ITGB3BP: variants seen among roughly 807,000 people sequenced by gnomAD.
The protein encoded by ITGB3BP is integrin subunit beta 3 binding protein.
ITGB3BP carries 27 observed loss-of-function variants against 29.1 expected under a neutral mutation model. The observed-to-expected ratio is 0.93, with a 90% CI of 0.68 to 1.28. The LOEUF is 1.28. ITGB3BP is among the 50% of genes most tolerant of loss of function. The pLI, the probability that ITGB3BP is intolerant of heterozygous loss-of-function variation, is 0.00. For missense variants in ITGB3BP, 192 were observed against 200.2 expected, an observed-to-expected ratio of 0.96 and a Z score of 0.25; for synonymous variants, 61 against 61.4, an observed-to-expected ratio of 0.99 and a Z score of 0.03.
At chr1:63,500,813 T>C (rs1178780781) in intron 2 of ITGB3BP, among the ~76,000 whole-genome samples, 1 of 152,146 alleles carries the variant, frequency 6.6e-6, no homozygotes, top group East Asian at 1.9e-4. Flanking sequence ...TTACAAAGGA[T>C]ACAGAATAGC....
chr1:63,453,966 C>T lies in ITGB3BP; in HGVS notation c.436G>A (p.Val146Met). The T allele has an allele frequency of 6.4e-7, 1 of 1,569,292 alleles. No individual in the cohort carries two copies. The highest frequency in any genetic ancestry group is 8.7e-7 in the Non-Finnish European group (1 of 1,145,990). Residue 146 changes from valine (V) to methionine (M), a missense_variant, in exon 7 of 9, where the codon GTG becomes ATG. Val to Met is a conservative substitution (Grantham distance 21, BLOSUM62 1). Coordinates refer to ENST00000271002, the MANE Select transcript of ITGB3BP (RefSeq NM_014288.5). ...MQKTKELMTK[V>M]NKQKLFEKST... ...TTTTCAAACAGTTTTTGTTTATTCA[C>T]TTTTGTCACTAAAAGAAGTAAAAAT... is the stretch of plus-strand genomic sequence containing the variant.
At position 63,511,418 on chromosome 1, in the gene ITGB3BP, A is replaced by G. The variant is rs79488902; in HGVS notation, c.6-2848T>C. Among the ~76,000 whole-genome samples, 37 of 152,274 alleles carry G rather than the reference A, an allele frequency of 2.4e-4. 1 individual carries two copies. The East Asian group carries it at 6.0e-3, about 25-fold the overall frequency. The stretch of plus-strand genomic sequence containing the variant: ...TCAAAGAATTAAAAATAGAATTACC[A>G]TATGATTCCATGATTCCACTTCCAA... On this transcript the variant is annotated intron_variant, in intron 1 of 8. Coordinates refer to ENST00000271002, the MANE Select transcript of ITGB3BP (RefSeq NM_014288.5).
upstream of ITGB3BP, chr1:63,523,449 A>C (rs1646511464): frequency 4.4e-6 from 2 of 449,828 alleles, no homozygotes; most frequent in East Asian, 4.2e-5. Flanking sequence ...TGCGCTCCGG[A>C]TCAGCGCTTC....
chr1:63,523,662 CTT>C (rs887315085), upstream of ITGB3BP: 5 of 178,098 alleles, frequency 2.8e-5, no homozygotes, highest in Non-Finnish European at 6.1e-5. Context: ...GTCTCTGTCT[CTT>C]CGCTCCCTCT....
intron 4 of ITGB3BP, among the ~76,000 whole-genome samples, chr1:63,467,574 T>C (rs1169994351): frequency 6.6e-6 from 1 of 152,166 alleles, no homozygotes; most frequent in Non-Finnish European, 1.5e-5. Flanking sequence ...TCTCGCTATG[T>C]TGCTCAGGCT....
intron 7 of ITGB3BP, 37 bp downstream of exon 7, chr1:63,453,881 G>A: frequency 2.4e-6 from 3 of 1,233,554 alleles, no homozygotes; most frequent in African/African-American, 1.5e-5. Context: ...TGGGATGAAA[G>A]CATCTTTATG....
intron 4 of ITGB3BP, among the ~76,000 whole-genome samples, chr1:63,460,940 C>T (rs1049015079): frequency 2.3e-4 from 35 of 151,884 alleles, no homozygotes; most frequent in Admixed American, 2.0e-3. Flanking sequence ...TAAGTTCTTT[C>T]AAGAAATATC....
intron 7 of ITGB3BP, chr1:63,447,564 C>A (rs1176358665): frequency 2.0e-6 from 1 of 490,942 alleles, no homozygotes; most frequent in South Asian, 1.5e-5. Context: ...TTTAGCTTTA[C>A]CTAGGAGAGC....
At chr1:63,515,942 T>C (rs747343736) in intron 1 of ITGB3BP, among the ~76,000 whole-genome samples, 2 of 151,764 alleles carry the variant, frequency 1.3e-5, no homozygotes, top group African/African-American at 4.8e-5. Flanking sequence ...TGTACATTTA[T>C]TGTAGCACTA....
At chr1:63,471,238 A>C (rs1015867555) in intron 4 of ITGB3BP, among the ~76,000 whole-genome samples, 4 of 150,732 alleles carry the variant, frequency 2.7e-5, no homozygotes, top group Admixed American at 2.6e-4. Context: ...CATTTTGCCT[A>C]ATCCAAGGTC....
At chr1:63,528,628 C>G (rs564134791) in intron 2 of ITGB3BP, among the ~76,000 whole-genome samples, 8 of 151,888 alleles carry the variant, frequency 5.3e-5, no homozygotes, top group Non-Finnish European at 1.2e-4. Flanking sequence ...CCTATTTACC[C>G]TGATGTAATT....
intron 4 of ITGB3BP, among the ~76,000 whole-genome samples, chr1:63,472,859 C>T (rs948818828): frequency 1.1e-4 from 17 of 152,200 alleles, no homozygotes; most frequent in African/African-American, 3.4e-4. Flanking sequence ...CCTTGGCCTC[C>T]CAAAGTGCCG....
chr1:63,459,282 C>G (rs1048299737), intron 4 of ITGB3BP, among the ~76,000 whole-genome samples: 1 of 152,110 alleles, frequency 6.6e-6, no homozygotes, highest in African/African-American at 2.4e-5. Context: ...CCTTAGTATT[C>G]TAATACAGCA....
At chr1:63,522,695 A>G (rs1383132612) in intron 1 of ITGB3BP, among the ~76,000 whole-genome samples, 1 of 152,176 alleles carries the variant, frequency 6.6e-6, no homozygotes, top group African/African-American at 2.4e-5. Context: ...ACAGTGAAAG[A>G]GTCTTATCTG....
At chr1:63,506,721 C>A (rs1296098483) in intron 2 of ITGB3BP, among the ~76,000 whole-genome samples, 1 of 152,154 alleles carries the variant, frequency 6.6e-6, no homozygotes, top group Non-Finnish European at 1.5e-5. Flanking sequence ...GATGAACAGG[C>A]TCCACTTCAA....
intron 4 of ITGB3BP, among the ~76,000 whole-genome samples, chr1:63,477,902 T>C (rs1374981237): frequency 5.3e-5 from 8 of 152,136 alleles, no homozygotes; most frequent in East Asian, 3.9e-4. Context: ...AGGAAGAAGA[T>C]ACAAATACAG....
At chr1:63,473,418 A>T (rs1645250230) in intron 4 of ITGB3BP, among the ~76,000 whole-genome samples, 1 of 119,354 alleles carries the variant, frequency 8.4e-6, no homozygotes, top group African/African-American at 3.6e-5. Flanking sequence ...GGCCGCCCCT[A>T]CTGGGAAGTG....
At chr1:63,523,439 T>TGCGCTCCGGATCA, upstream of ITGB3BP, 1 of 475,416 alleles carries the variant, frequency 2.1e-6, no homozygotes, top group Admixed American at 3.5e-5. Flanking sequence ...GCTGTCTCTG[T>TGCGCTCCGGATCA]GCGCTCCGGA....
intron 4 of ITGB3BP, among the ~76,000 whole-genome samples, chr1:63,476,976 C>A (rs1343540335): frequency 6.6e-6 from 1 of 152,100 alleles, no homozygotes; most frequent in East Asian, 1.9e-4. Context: ...GAGATCAGTT[C>A]ACTGAGGAAA....
Sources: allele counts gnomAD v4.1 joint callset (sites outside exome capture counted in the v4.1 genomes callset), GRCh38; gene constraint gnomAD v4.1.1; transcripts MANE v1.5; gene names NCBI Gene and HGNC (gene_info 2026-07-23, HGNC 2026-07-21).